BRINP3: variants seen among roughly 807,000 people sequenced by gnomAD.
BRINP3 encodes the protein BMP/retinoic acid inducible neural specific 3, also known as BMP/retinoic acid-inducible neural-specific protein 3.
A neutral mutation model predicts 71.0 loss-of-function variants in BRINP3; 19 were observed. That is an observed-to-expected ratio of 0.27 (90% CI 0.19 to 0.39). The LOEUF (loss-of-function observed/expected upper bound fraction) is 0.39, where lower values mean the gene tolerates loss of function less well. BRINP3 is among the 10% of genes least tolerant of loss of function. BRINP3 has a pLI of 1.00. For synonymous variants in BRINP3, 380 were observed against 337.7 expected, an observed-to-expected ratio of 1.13 and a Z score of -1.37; for missense variants, 959 against 940.8, an observed-to-expected ratio of 1.02 and a Z score of -0.25.
At chr1:190,392,472 T>C (rs1199707616) in intron 2 of BRINP3, among the ~76,000 whole-genome samples, 2 of 151,656 alleles carry the variant, frequency 1.3e-5, no homozygotes, top group Non-Finnish European at 3.0e-5. Flanking sequence ...AGCTCAGACA[T>C]AGTGCAACTG....
At position 190,117,146 on chromosome 1, in the gene BRINP3, G is replaced by C. The variant is rs528837084; in HGVS notation, c.1185-18012C>G. ...TTCTTGTTAGAGAGAATGTCTCATT[G>C]TTATTTACAATCAATTAAGAAGAAG... On this transcript the variant is annotated intron_variant, in intron 7 of 7. Transcript: ENST00000367462. Among the ~76,000 whole-genome samples the C allele has an allele frequency of 3.9e-5, 6 of 152,048 alleles. No individual in the cohort carries two copies. The South Asian group carries it at 1.2e-3, about 31-fold the overall frequency.
chr1:190,290,408 G>T (rs188261502), intron 2 of BRINP3, among the ~76,000 whole-genome samples: 2 of 152,078 alleles, frequency 1.3e-5, no homozygotes. Context: ...TCTAATCTAT[G>T]CCAGCCATAA....
intron 6 of BRINP3, among the ~76,000 whole-genome samples, chr1:190,217,588 G>T (rs1170047835): frequency 6.6e-6 from 1 of 151,904 alleles, no homozygotes; most frequent in African/African-American, 2.4e-5. Flanking sequence ...TTTCTGTGAT[G>T]AATTCTTAAG....
At chr1:190,284,467 CT>C (rs1558145199) in intron 2 of BRINP3, among the ~76,000 whole-genome samples, 1 of 151,906 alleles carries the variant, frequency 6.6e-6, no homozygotes, top group Non-Finnish European at 1.5e-5. Context: ...CATTCAAAGG[CT>C]TTAGAGTATT....
chr1:190,208,152 G>A lies in BRINP3; in HGVS notation c.961+17930C>T, dbSNP rs1246895543. 3.3e-5 allele frequency among the ~76,000 whole-genome samples: 5 copies of A among 151,446 alleles called. No individual in the cohort carries two copies. The East Asian group carries it at 9.7e-4, about 29-fold the overall frequency. ...TTTTTTTTATTTTTGTAAAGGCTAGGGGACTCACTATGTTTCCCTGGTCTT... is the reference window on the plus strand; with the variant it reads ...TTTTTTTTATTTTTGTAAAGGCTAGAGGACTCACTATGTTTCCCTGGTCTT... On this transcript the variant is annotated intron_variant, in intron 6 of 7. Transcript: ENST00000367462.
intron 2 of BRINP3, among the ~76,000 whole-genome samples, chr1:190,332,914 T>C (rs907218551): frequency 1.1e-4 from 16 of 152,002 alleles, no homozygotes; most frequent in Admixed American, 3.9e-4. Context: ...TTCACTTTTC[T>C]TTTTCATGCA....
intron 2 of BRINP3, among the ~76,000 whole-genome samples, chr1:190,422,459 C>G (rs1673447561): frequency 6.6e-6 from 1 of 151,790 alleles, no homozygotes; most frequent in African/African-American, 2.4e-5. Flanking sequence ...ACCATCAAAG[C>G]AACTCTTGAT....
intron 2 of BRINP3, among the ~76,000 whole-genome samples, chr1:190,389,171 A>C (rs1370355037): frequency 1.3e-5 from 2 of 151,802 alleles, no homozygotes; most frequent in African/African-American, 4.8e-5. Flanking sequence ...TAGTACTAGA[A>C]TAAATATTGC....
At chr1:190,406,799 TAA>T (rs72296867) in intron 2 of BRINP3, among the ~76,000 whole-genome samples, 2,487 of 152,278 alleles carry the variant, frequency 0.016, 73 homozygotes, top group African/African-American at 0.056. Context: ...TAAATAATTA[TAA>T]GATTATTTAA....
chr1:190,420,540 G>T (rs865978949), intron 2 of BRINP3, among the ~76,000 whole-genome samples: 5 of 152,018 alleles, frequency 3.3e-5, no homozygotes, highest in African/African-American at 9.6e-5. Context: ...CACAAAAAAT[G>T]TCCACTATTT....
chr1:190,343,163 G>A (rs1667781116), intron 2 of BRINP3, among the ~76,000 whole-genome samples: 1 of 151,762 alleles, frequency 6.6e-6, no homozygotes, highest in South Asian at 2.1e-4. Context: ...TGTATAATGA[G>A]GAAGAACCAC....
Position 190,234,484 on chromosome 1 carries a change from A to G in BRINP3, c.619-7T>C. The G allele has an allele frequency of 6.3e-7, 1 of 1,599,760 alleles. No homozygotes were observed. Among genetic ancestry groups the G allele is most frequent in the Non-Finnish European group, 8.6e-7 (1 of 1,167,818 alleles). On this transcript the variant is annotated splice_polypyrimidine_tract_variant and splice_region_variant and intron_variant, in intron 4 of 7. Coordinates refer to ENST00000367462, the MANE Select transcript of BRINP3 (RefSeq NM_199051.3). ...CAGTCCGTGTTTCTGTTACCTGGCA[A>G]ACAAAACATCAACTTTATTATCTAA...
chr1:190,437,688 A>T (rs969124693), intron 2 of BRINP3, among the ~76,000 whole-genome samples: 4 of 151,748 alleles, frequency 2.6e-5, no homozygotes, highest in African/African-American at 9.7e-5. Flanking sequence ...CAACAATTTC[A>T]TTATTTGTTT....
At chr1:190,218,732 C>G (rs1571394652) in intron 6 of BRINP3, among the ~76,000 whole-genome samples, 1 of 112,916 alleles carries the variant, frequency 8.9e-6, no homozygotes. Flanking sequence ...CCTCATACCT[C>G]CCCCCACCCT....
At chr1:190,359,507 T>A (rs1205913992) in intron 2 of BRINP3, among the ~76,000 whole-genome samples, 1 of 152,056 alleles carries the variant, frequency 6.6e-6, no homozygotes, top group African/African-American at 2.4e-5. Context: ...GCACCTGTAG[T>A]CTCAACTACT....
intron 7 of BRINP3, among the ~76,000 whole-genome samples, chr1:190,152,531 A>ACCCCCCCCC (rs71123074): frequency 1.2e-5 from 1 of 84,648 alleles, no homozygotes. Context: ...ATCTCCCCCA[A>ACCCCCCCCC]CCCCCCCCCC....
At chr1:190,404,022 T>G (rs1303435046) in intron 2 of BRINP3, among the ~76,000 whole-genome samples, 1 of 152,196 alleles carries the variant, frequency 6.6e-6, no homozygotes, top group Non-Finnish European at 1.5e-5. Context: ...TCTCATTCAA[T>G]CTTCAGAAAA....
At chr1:190,179,270 A>C (rs1652824494) in intron 6 of BRINP3, among the ~76,000 whole-genome samples, 1 of 152,124 alleles carries the variant, frequency 6.6e-6, no homozygotes, top group Admixed American at 6.6e-5. Context: ...AAATAGAAAC[A>C]CCTTGCCAGG....
chr1:190,173,152 G>C (rs1028561459), intron 6 of BRINP3, among the ~76,000 whole-genome samples: 4 of 152,092 alleles, frequency 2.6e-5, no homozygotes, highest in African/African-American at 9.7e-5. Context: ...TAATGCAGCT[G>C]CGGCTAGTTT....
Sources: gnomAD v4.1 joint callset for allele counts (sites outside exome capture counted in the v4.1 genomes callset) on GRCh38, gnomAD v4.1.1 for gene constraint, MANE v1.5 for transcripts, NCBI Gene and HGNC (gene_info 2026-07-23, HGNC 2026-07-21) for gene names.